Variants in C8orf34 observed in about 807,000 individuals in gnomAD.
C8orf34 encodes chromosome 8 open reading frame 34.
A neutral mutation model predicts 68.3 loss-of-function variants in C8orf34; 65 were observed. The observed-to-expected ratio is 0.95, with a 90% CI of 0.78 to 1.17. The LOEUF (loss-of-function observed/expected upper bound fraction) is 1.17. Among genes scored for constraint, C8orf34 ranks in the 50% most tolerant of loss-of-function variants. The pLI is 0.00. For synonymous variants in C8orf34, 244 were observed against 241.2 expected, an observed-to-expected ratio of 1.01 and a Z score of -0.11; for missense variants, 664 against 655.4, an observed-to-expected ratio of 1.01 and a Z score of -0.14.
At chr8:68,686,435 T>C (rs141820729) in intron 8 of C8orf34, among the ~76,000 whole-genome samples, 4 of 152,232 alleles carry the variant, frequency 2.6e-5, no homozygotes, top group African/African-American at 9.6e-5. Context: ...CAATACATCA[T>C]GATCAAGTGG....
intron 13 of C8orf34, among the ~76,000 whole-genome samples, chr8:68,818,009 C>A (rs1032486930): frequency 6.6e-6 from 1 of 152,142 alleles, no homozygotes; most frequent in Non-Finnish European, 1.5e-5. Context: ...GGTGAGGACA[C>A]AAAGCCTAAC....
intron 1 of C8orf34, among the ~76,000 whole-genome samples, chr8:68,373,912 TG>T (rs1260684989): frequency 2.0e-5 from 3 of 152,164 alleles, no homozygotes; most frequent in Admixed American, 6.5e-5. Flanking sequence ...TCCTTTCTTA[TG>T]TTTTTTTGTT....
intron 2 of C8orf34, among the ~76,000 whole-genome samples, chr8:68,440,078 C>T (rs1264915332): frequency 4.6e-5 from 7 of 152,276 alleles, no homozygotes; most frequent in Non-Finnish European, 5.9e-5. Flanking sequence ...CAATTTTATC[C>T]TGTGTAGTAA....
intron 1 of C8orf34, among the ~76,000 whole-genome samples, chr8:68,347,044 ATAT>A (rs1490528738): frequency 6.6e-6 from 1 of 151,964 alleles, no homozygotes; most frequent in Non-Finnish European, 1.5e-5. Context: ...GCTGTTATAA[ATAT>A]TATTTCATCA....
intron 12 of C8orf34, among the ~76,000 whole-genome samples, chr8:68,789,784 T>C (rs1272011696): frequency 6.6e-6 from 1 of 152,180 alleles, no homozygotes; most frequent in Non-Finnish European, 1.5e-5. Context: ...ACAAAATAAC[T>C]ATTATAACTA....
At chr8:68,562,076 A>C (rs1816448140) in intron 7 of C8orf34, among the ~76,000 whole-genome samples, 1 of 152,222 alleles carries the variant, frequency 6.6e-6, no homozygotes, top group Non-Finnish European at 1.5e-5. Flanking sequence ...CTTATTATCT[A>C]ATATGTACTA....
intron 4 of C8orf34, among the ~76,000 whole-genome samples, chr8:68,484,935 A>G (rs1018716785): frequency 6.6e-6 from 1 of 152,378 alleles, no homozygotes; most frequent in South Asian, 2.1e-4. Context: ...TTAAGAAAAT[A>G]TGATAATAAG....
chr8:68,375,218 A>G (rs1807741156), intron 1 of C8orf34, among the ~76,000 whole-genome samples: 1 of 152,210 alleles, frequency 6.6e-6, no homozygotes, highest in African/African-American at 2.4e-5. Context: ...TTGCTGTATT[A>G]TGTTCTAGCT....
At chr8:68,555,064 T>C (rs1239294719) in intron 7 of C8orf34, among the ~76,000 whole-genome samples, 1 of 152,104 alleles carries the variant, frequency 6.6e-6, no homozygotes, top group African/African-American at 2.4e-5. Context: ...TTTTAAAAAG[T>C]TTCTGTTTGT....
intron 7 of C8orf34, among the ~76,000 whole-genome samples, chr8:68,588,192 G>T (rs1182612813): frequency 1.3e-5 from 2 of 152,020 alleles, no homozygotes; most frequent in African/African-American, 4.8e-5. Flanking sequence ...CTGTTAGCTC[G>T]AACCTGTGTA....
intron 7 of C8orf34, among the ~76,000 whole-genome samples, chr8:68,614,645 T>A (rs1288619469): frequency 2.6e-5 from 4 of 152,200 alleles, no homozygotes; most frequent in South Asian, 2.1e-4. Context: ...TCCATTGATC[T>A]ATATCTCTGT....
chr8:68,765,929 G>A (rs965638636), intron 10 of C8orf34, among the ~76,000 whole-genome samples: 3 of 152,006 alleles, frequency 2.0e-5, no homozygotes, highest in African/African-American at 4.8e-5. Flanking sequence ...TTTTTCTCAC[G>A]AAGTTTACAT....
chr8:68,363,840 C>A (rs1807119618), intron 1 of C8orf34, among the ~76,000 whole-genome samples: 2 of 29,722 alleles, frequency 6.7e-5, no homozygotes, highest in African/African-American at 1.6e-4. Context: ...CATCAACTAA[C>A]GAGCAAAATC....
intron 1 of C8orf34, among the ~76,000 whole-genome samples, chr8:68,423,221 T>A (rs1024796585): frequency 6.6e-6 from 1 of 152,124 alleles, no homozygotes; most frequent in Non-Finnish European, 1.5e-5. Flanking sequence ...AGTCTGCAAA[T>A]TTTCTAAGCT....
chr8:68,625,325 TTTCTC>T (rs1818507311), intron 7 of C8orf34: 1 of 386,316 alleles, frequency 2.6e-6, no homozygotes, highest in Non-Finnish European at 4.6e-6. Context: ...ATTTTTAAGT[TTTCTC>T]TTATCACCAA....
intron 7 of C8orf34, chr8:68,534,649 A>G (rs1815386244): frequency 4.1e-6 from 4 of 985,360 alleles, no homozygotes; most frequent in African/African-American, 1.7e-5. Context: ...GGGTGTGGTC[A>G]TTGTAGGTTT....
chr8:68,784,804 G>GTGTGTGTGTGTA (rs544011794), intron 11 of C8orf34, among the ~76,000 whole-genome samples: 8,384 of 136,820 alleles, frequency 0.061, 693 homozygotes, highest in African/African-American at 0.21. Context: ...GTGTGTGTAT[G>GTGTGTGTGTGTA]TGTGTGTGTG....
intron 2 of C8orf34, among the ~76,000 whole-genome samples, chr8:68,444,854 A>G (rs1158642989): frequency 6.6e-6 from 1 of 152,180 alleles, no homozygotes. Context: ...ATTCCTTTAT[A>G]TAAAGAGATG....
intron 4 of C8orf34, among the ~76,000 whole-genome samples, chr8:68,472,278 C>A (rs1382963825): frequency 2.0e-5 from 3 of 152,060 alleles, no homozygotes; most frequent in African/African-American, 7.2e-5. Context: ...TTACTTTTTT[C>A]TTCCCAGGAG....
Sources: allele counts gnomAD v4.1 joint callset (sites outside exome capture counted in the v4.1 genomes callset), GRCh38; gene constraint gnomAD v4.1.1; transcripts MANE v1.5; gene names NCBI Gene and HGNC (gene_info 2026-07-23, HGNC 2026-07-21).